The following PPP2R3A variants were observed in gnomAD, a reference collection of about 807,000 sequenced individuals.
PPP2R3A encodes protein phosphatase 2 regulatory subunit B''alpha.
A neutral mutation model predicts 106.9 loss-of-function variants in PPP2R3A; 80 were observed. That is an observed-to-expected ratio of 0.75 (90% CI 0.62 to 0.90). The LOEUF (loss-of-function observed/expected upper bound fraction) is 0.90, where lower values mean the gene tolerates loss of function less well. Among genes scored for constraint, PPP2R3A ranks in the 40% least tolerant of loss-of-function variants. PPP2R3A has a pLI of 0.00. For synonymous variants in PPP2R3A, 483 were observed against 468.3 expected, an observed-to-expected ratio of 1.03 and a Z score of -0.41; for missense variants, 1,386 against 1,350.4, an observed-to-expected ratio of 1.03 and a Z score of -0.41.
chr3:136,058,107 C>G (rs548838222), intron 5 of PPP2R3A, among the ~76,000 whole-genome samples: 2 of 152,032 alleles, frequency 1.3e-5, no homozygotes, highest in African/African-American at 4.8e-5. Flanking sequence ...GAACATACCT[C>G]GAAATCATAA....
chr3:136,143,885 C>G (rs1429380641), intron 13 of PPP2R3A, among the ~76,000 whole-genome samples: 9 of 152,154 alleles, frequency 5.9e-5, no homozygotes, highest in Admixed American at 5.9e-4. Flanking sequence ...TAATTGGCCC[C>G]AATTGGTACC....
At chr3:136,140,574 C>T (rs537062926) in intron 13 of PPP2R3A, among the ~76,000 whole-genome samples, 3 of 151,824 alleles carry the variant, frequency 2.0e-5, no homozygotes, top group Non-Finnish European at 4.4e-5. Context: ...CATGGAGAAA[C>T]CCTGTCTCTA....
At chr3:136,059,852 G>A in intron 5 of PPP2R3A, among the ~76,000 whole-genome samples, 1 of 152,184 alleles carries the variant, frequency 6.6e-6, no homozygotes, top group Middle Eastern at 3.2e-3. Flanking sequence ...GCTGGAGGCT[G>A]TTACCCTTAG....
At chr3:136,139,262 C>T (rs1013904193) in intron 13 of PPP2R3A, among the ~76,000 whole-genome samples, 6 of 152,112 alleles carry the variant, frequency 3.9e-5, no homozygotes, top group Non-Finnish European at 8.8e-5. Flanking sequence ...CTGCAGAGCC[C>T]GCCTTAATGC....
intron 13 of PPP2R3A, among the ~76,000 whole-genome samples, chr3:136,133,907 A>AC: frequency 6.6e-6 from 1 of 150,796 alleles, no homozygotes; most frequent in East Asian, 1.9e-4. Flanking sequence ...AAAAAAAAAA[A>AC]AGAAATTTAC....
intron 1 of PPP2R3A, among the ~76,000 whole-genome samples, chr3:135,981,951 G>A (rs1937544676): frequency 6.6e-6 from 1 of 151,704 alleles, no homozygotes; most frequent in Admixed American, 6.6e-5. Flanking sequence ...ACTCTGATTT[G>A]TATTACTCTG....
intron 1 of PPP2R3A, among the ~76,000 whole-genome samples, chr3:135,971,860 G>T (rs1401052771): frequency 6.6e-6 from 1 of 152,170 alleles, no homozygotes. Flanking sequence ...CCATTACCAA[G>T]GTGGTCCAGA....
rs563332083 is a variant in PPP2R3A, at chr3:136,036,866, C to T, written c.2263-3993C>T. 3.0e-4 allele frequency among the ~76,000 whole-genome samples: 46 copies of T among 152,324 alleles called. No homozygotes were observed. In the South Asian group the frequency reaches 4.8e-3, roughly 16 times the overall value. ...TTAGCTTTTACTTGGCTATTGCAGT[C>T]TATTAGTACTCACTAAGTCATCCTT... On this transcript the variant is annotated intron_variant, in intron 3 of 13. Transcript: ENST00000264977.
intron 1 of PPP2R3A, among the ~76,000 whole-genome samples, chr3:135,988,778 C>T (rs1192255531): frequency 6.6e-6 from 1 of 152,096 alleles, no homozygotes; most frequent in African/African-American, 2.4e-5. Context: ...TAATTTATTT[C>T]TCTATAGCCT....
intron 8 of PPP2R3A, among the ~76,000 whole-genome samples, chr3:136,085,515 A>G (rs1388767430): frequency 6.6e-6 from 1 of 152,016 alleles, no homozygotes. Flanking sequence ...CTTGGGTTCA[A>G]GTGATCCACT....
chr3:135,979,104 C>T (rs561570189), intron 1 of PPP2R3A, among the ~76,000 whole-genome samples: 1 of 151,794 alleles, frequency 6.6e-6, no homozygotes, highest in East Asian at 1.9e-4. Context: ...TTTGGCCAGG[C>T]GTGGTGGCTC....
intron 13 of PPP2R3A, among the ~76,000 whole-genome samples, chr3:136,121,791 CAGA>C (rs1263833165): frequency 1.3e-5 from 2 of 151,796 alleles, no homozygotes; most frequent in African/African-American, 2.4e-5. Flanking sequence ...GGAAACTCAG[CAGA>C]AGATTTGGAA....
chr3:136,115,808 T>C (rs1937727809), intron 13 of PPP2R3A, among the ~76,000 whole-genome samples: 1 of 151,494 alleles, frequency 6.6e-6, no homozygotes, highest in Admixed American at 6.6e-5. Context: ...TGGAACCAAG[T>C]TGGAAAACAC....
chr3:136,009,490 A>C (rs1477955751), intron 2 of PPP2R3A, among the ~76,000 whole-genome samples: 5 of 152,214 alleles, frequency 3.3e-5, no homozygotes, highest in African/African-American at 1.2e-4. Flanking sequence ...TATCCAATAC[A>C]GGAGCTTCTC....
intron 13 of PPP2R3A, among the ~76,000 whole-genome samples, chr3:136,107,590 A>C (rs1490189125): frequency 6.6e-6 from 1 of 152,120 alleles, no homozygotes. Flanking sequence ...ATAGTCCTCA[A>C]TATAGATTGT....
chr3:136,020,049 A>G (rs1576439193), intron 2 of PPP2R3A, among the ~76,000 whole-genome samples: 1 of 152,278 alleles, frequency 6.6e-6, no homozygotes. Context: ...CTCTAGCTTC[A>G]TATCAAGCAA....
intron 3 of PPP2R3A, among the ~76,000 whole-genome samples, chr3:136,039,498 T>A (rs1459399528): frequency 6.6e-6 from 1 of 152,164 alleles, no homozygotes; most frequent in East Asian, 1.9e-4. Flanking sequence ...AGTTTCAGGA[T>A]GAAACTGTTC....
intron 5 of PPP2R3A, among the ~76,000 whole-genome samples, chr3:136,053,849 A>G (rs1213349092): frequency 6.6e-6 from 1 of 152,212 alleles, no homozygotes; most frequent in Non-Finnish European, 1.5e-5. Flanking sequence ...AGACCTACTT[A>G]TATTTCCACA....
At chr3:136,047,997 A>G (rs1439856840) in intron 4 of PPP2R3A, among the ~76,000 whole-genome samples, 1 of 152,166 alleles carries the variant, frequency 6.6e-6, no homozygotes, top group Non-Finnish European at 1.5e-5. Context: ...AGCTATTGGT[A>G]CTATGCTCAC....
Sources: allele counts gnomAD v4.1 joint callset (sites outside exome capture counted in the v4.1 genomes callset), GRCh38; gene constraint gnomAD v4.1.1; transcripts MANE v1.5; gene names NCBI Gene and HGNC (gene_info 2026-07-23, HGNC 2026-07-21).